Variants in SLC24A2 observed in about 807,000 individuals in gnomAD.
The protein encoded by SLC24A2 is sodium/potassium/calcium exchanger 2.
In SLC24A2, 36 loss-of-function variants were observed where a neutral mutation model predicts 62.0. The observed-to-expected ratio is 0.58, with a 90% confidence interval of 0.44 to 0.77. The LOEUF (loss-of-function observed/expected upper bound fraction) is 0.77, where lower values mean the gene tolerates loss of function less well. Among genes scored for constraint, SLC24A2 ranks in the 30% least tolerant of loss-of-function variants. The pLI, the probability that SLC24A2 is intolerant of heterozygous loss-of-function variation, is 0.00. For missense variants in SLC24A2, 846 were observed against 817.9 expected (o/e 1.03, Z -0.42); for synonymous variants, 358 against 294.0 (o/e 1.22, Z -2.23).
intron 2 of SLC24A2, among the ~76,000 whole-genome samples, chr9:19,655,582 G>A (rs1028234291): frequency 4.6e-5 from 7 of 152,162 alleles, no homozygotes; most frequent in African/African-American, 1.7e-4. Flanking sequence ...TCTGTAAAAT[G>A]TACTTATTTA....
intron 2 of SLC24A2, among the ~76,000 whole-genome samples, chr9:19,747,429 A>G (rs1207015874): frequency 6.6e-6 from 1 of 152,182 alleles, no homozygotes; most frequent in Non-Finnish European, 1.5e-5. Context: ...CCTTATACAT[A>G]TACTTAATCT....
At chr9:19,921,963 T>C in the SLC24A2 span, among the ~76,000 whole-genome samples, 2 of 152,144 alleles carry the variant, frequency 1.3e-5, no homozygotes, top group Non-Finnish European at 2.9e-5. Context: ...AGCAGAAATA[T>C]AAGAAATGAC....
chr9:20,143,702 T>C, the SLC24A2 span, among the ~76,000 whole-genome samples: 1 of 152,246 alleles, frequency 6.6e-6, no homozygotes, highest in Admixed American at 6.5e-5. Context: ...CTTAATTAGT[T>C]ACTGCAGCCA....
At chr9:20,219,646 T>C in the SLC24A2 span, among the ~76,000 whole-genome samples, 1 of 152,162 alleles carries the variant, frequency 6.6e-6, no homozygotes, top group Non-Finnish European at 1.5e-5. Context: ...TCAATGACCG[T>C]TGGCACAGGA....
At chr9:20,295,438 C>T in the SLC24A2 span, among the ~76,000 whole-genome samples, 2 of 152,074 alleles carry the variant, frequency 1.3e-5, no homozygotes, top group Non-Finnish European at 2.9e-5. Context: ...ATTTTAAGTA[C>T]TAACTTGACA....
At chr9:19,597,361 C>A in intron 4 of SLC24A2, 82 bp from the exon 5 acceptor site, 1 of 965,662 alleles carries the variant, frequency 1.0e-6, no homozygotes, top group Admixed American at 1.7e-5. Context: ...TTTAATTAAT[C>A]AGATTCAGAG....
chr9:19,546,377 GC>G (rs1299947434), intron 8 of SLC24A2, among the ~76,000 whole-genome samples: 1 of 152,064 alleles, frequency 6.6e-6, no homozygotes, highest in African/African-American at 2.4e-5. Context: ...TTTCAGTGAT[GC>G]CCTTGCCAGA....
the SLC24A2 span, among the ~76,000 whole-genome samples, chr9:19,911,960 G>T: frequency 1.4e-4 from 22 of 152,100 alleles, no homozygotes; most frequent in Non-Finnish European, 2.6e-4. Flanking sequence ...GAGCCTTTTA[G>T]TGTCTGAGAC....
At chr9:19,765,798 A>T (rs1822497290) in intron 2 of SLC24A2, among the ~76,000 whole-genome samples, 1 of 152,118 alleles carries the variant, frequency 6.6e-6, no homozygotes, top group African/African-American at 2.4e-5. Context: ...CTCGAGGAGT[A>T]TCTTTGTGGT....
chr9:20,051,253 A>T, the SLC24A2 span, among the ~76,000 whole-genome samples: 4 of 152,200 alleles, frequency 2.6e-5, no homozygotes, highest in African/African-American at 9.6e-5. Context: ...TACTGAAAAC[A>T]AAGAGGGTCA....
At chr9:19,870,098 T>C in the SLC24A2 span, among the ~76,000 whole-genome samples, 1 of 152,204 alleles carries the variant, frequency 6.6e-6, no homozygotes, top group African/African-American at 2.4e-5. Flanking sequence ...ATTCATACTG[T>C]TCTGCGGCCA....
intron 8 of SLC24A2, among the ~76,000 whole-genome samples, chr9:19,541,575 A>G (rs1014100563): frequency 2.8e-5 from 4 of 145,192 alleles, no homozygotes; most frequent in Non-Finnish European, 4.5e-5. Context: ...TCAGATCTCC[A>G]GCTGCGTGCT....
chr9:20,204,620 G>A, the SLC24A2 span, among the ~76,000 whole-genome samples: 3 of 152,048 alleles, frequency 2.0e-5, no homozygotes, highest in Non-Finnish European at 2.9e-5. Context: ...AATCATGGCA[G>A]TAGCACCAAA....
intron 2 of SLC24A2, among the ~76,000 whole-genome samples, chr9:19,644,918 G>C (rs1464807267): frequency 1.3e-5 from 2 of 152,036 alleles, no homozygotes; most frequent in African/African-American, 4.8e-5. Flanking sequence ...GCATTTACTG[G>C]AATAGGGTCT....
chr9:20,062,864 T>A, the SLC24A2 span, among the ~76,000 whole-genome samples: 1 of 124,988 alleles, frequency 8.0e-6, no homozygotes, highest in Non-Finnish European at 1.6e-5. Context: ...AAGAAGACAT[T>A]TATGCAGCCA....
At chr9:20,282,066 G>A in the SLC24A2 span, among the ~76,000 whole-genome samples, 1 of 152,092 alleles carries the variant, frequency 6.6e-6, no homozygotes, top group Non-Finnish European at 1.5e-5. Context: ...TGCCTTTCTA[G>A]ACAAGAATCC....
rs546551675 is a variant in SLC24A2, at chr9:19,510,087, G to T, written c.*6066C>A. 1 of 152,118 alleles carries T rather than the reference G, an allele frequency of 6.6e-6. No homozygotes were observed. Among genetic ancestry groups the T allele is most frequent in the African/African-American group, 2.4e-5 (1 of 41,426 alleles). 9.4% of individuals were successfully genotyped at this position (152,118 alleles called of 1,614,324 possible). On this transcript the variant is annotated 3_prime_UTR_variant, in exon 11 of 11. Coordinates refer to ENST00000341998, the MANE Select transcript of SLC24A2 (RefSeq NM_020344.4). ...GAGTTTTGGAGTAATCTAAAGTGGT[G>T]TCTCCCCAATTTTGAGTTCTTTGTG...
chr9:20,119,977 T>C, the SLC24A2 span, among the ~76,000 whole-genome samples: 2 of 152,160 alleles, frequency 1.3e-5, no homozygotes, highest in Non-Finnish European at 2.9e-5. Flanking sequence ...CAAGTCTCAC[T>C]GGGCTGAGAT....
At chr9:19,877,390 A>G in the SLC24A2 span, among the ~76,000 whole-genome samples, 14,267 of 140,094 alleles carry the variant, frequency 0.1, 937 homozygotes, top group East Asian at 0.21. Context: ...TCCATAGTTT[A>G]GCCTACAGAT....
Sources: allele counts gnomAD v4.1 joint callset (sites outside exome capture counted in the v4.1 genomes callset), GRCh38; gene constraint gnomAD v4.1.1; transcripts MANE v1.5; gene names NCBI Gene and HGNC (gene_info 2026-07-23, HGNC 2026-07-21).